The following STAT4 variants were observed in gnomAD, a reference collection of about 807,000 sequenced individuals.
STAT4 encodes the protein signal transducer and activator of transcription 4.
Under a neutral mutation model 110.5 loss-of-function variants are expected in STAT4, and 42 were observed. That is an observed-to-expected ratio of 0.38 (90% CI 0.30 to 0.49). The LOEUF (loss-of-function observed/expected upper bound fraction) is 0.49. Among genes scored for constraint, STAT4 ranks in the 20% least tolerant of loss-of-function variants. The pLI, the probability that STAT4 is intolerant of heterozygous loss-of-function variation, is 0.95. For synonymous variants in STAT4, 284 were observed against 302.2 expected (o/e 0.94, Z 0.63); for missense variants, 632 against 887.9 (o/e 0.71, Z 3.66).
At chr2:191,052,366 T>G (rs2125199658) in intron 14 of STAT4, among the ~76,000 whole-genome samples, 1 of 152,186 alleles carries the variant, frequency 6.6e-6, no homozygotes, top group Admixed American at 6.5e-5. Context: ...AAAGAATAGC[T>G]TAAAATAAAA....
In STAT4 at chr2:191,046,422, T is replaced by C. The variant is rs768703413; in HGVS notation, c.1252-5274A>G. ...TCTGTGAAGGGCCTCGCATGACCAG[T>C]GTGGCCTCTAGGTCTCTCCTGTGCC... On this transcript the variant is annotated intron_variant, in intron 14 of 23. Coordinates refer to ENST00000392320, the MANE Select transcript of STAT4 (RefSeq NM_003151.4). The surrounding 1 kb of genome is among the most constrained non-coding windows in gnomAD (Gnocchi z 4.6). Among the ~76,000 whole-genome samples, 119 of 152,272 alleles carry C rather than the reference T, an allele frequency of 7.8e-4. No individual in the cohort carries two copies. The highest frequency in any genetic ancestry group is 1.4e-3 in the Non-Finnish European group (97 of 68,010).
At chr2:191,136,022 ACC>A (rs780002762) in intron 3 of STAT4, among the ~76,000 whole-genome samples, 3,514 of 44,496 alleles carry the variant, frequency 0.079, 162 homozygotes, top group African/African-American at 0.16. Context: ...AAAAAAAAAA[ACC>A]AAAAAACAAA....
chr2:191,033,286 G>A lies in STAT4; in HGVS notation c.1853-137C>T. On this transcript the variant is annotated intron_variant, in intron 20 of 23. Transcript: ENST00000392320. The surrounding 1 kb of genome is among the most constrained non-coding windows in gnomAD (Gnocchi z 6.9). The stretch of plus-strand genomic sequence containing the variant: ...TCACTTCAATGTCAGACCTTCTGCT[G>A]TCTGGACAGTATAGATTGTGCATAC... The A allele has an allele frequency of 1.7e-6, 2 of 1,145,520 alleles. No individual in the cohort carries two copies. Among genetic ancestry groups the A allele is most frequent in the South Asian group, 1.6e-5 (1 of 62,236 alleles). The allele number at this position is 1,145,520 out of a possible 1,614,324, so 71.0% of individuals were successfully genotyped here.
intron 3 of STAT4, among the ~76,000 whole-genome samples, chr2:191,108,215 C>T (rs1297767481): frequency 6.0e-5 from 9 of 151,052 alleles, no homozygotes; most frequent in South Asian, 2.1e-4. Context: ...CTGTTGAACC[C>T]GGGAGGTAGA....
At position 191,036,263 on chromosome 2, in the gene STAT4, A is replaced by G. The variant is rs373669618; in HGVS notation, c.1471T>C (p.Leu491=). The change falls in exon 17 of 24, where the codon TTG becomes CTG. Residue 491 remains leucine, a synonymous_variant. Transcript: ENST00000392320. ...VFFNNPPPAT[L]SQLLEVMSWQ... ...CTCATCACCTCCAGTAGTTGACTCAATGTGGCAGGTGGAGGATTATTAAAG... is the reference window on the plus strand; with the variant it reads ...CTCATCACCTCCAGTAGTTGACTCAGTGTGGCAGGTGGAGGATTATTAAAG... The G allele has an allele frequency of 7.4e-6, 12 of 1,614,192 alleles. No homozygotes were observed. In the African/African-American group the frequency reaches 1.5e-4, roughly 20 times the overall value.
In STAT4 at chr2:191,069,370, T is replaced by C. The variant is rs3024843; in HGVS notation, c.544+323A>G. 5.6e-3 allele frequency among the ~76,000 whole-genome samples: 850 copies of C among 152,248 alleles called. 9 individuals carry two copies. Among genetic ancestry groups the C allele is most frequent in the African/African-American group, 0.019 (807 of 41,564 alleles). On this transcript the variant is annotated intron_variant, in intron 6 of 23. Transcript: ENST00000392320. Reference sequence around the variant, plus strand: ...TGTTTCTGTGATAATTATATTTTGATTCTATAGGAGAAGGTTTTTATTTTT... The same window carrying C: ...TGTTTCTGTGATAATTATATTTTGACTCTATAGGAGAAGGTTTTTATTTTT...
At chr2:191,151,212 C>T, upstream of STAT4, 1 of 985,702 alleles carries the variant, frequency 1.0e-6, no homozygotes. This position sits in a 1 kb window ranked among gnomAD's most constrained non-coding sequence, Gnocchi z 4.7. Context: ...CCTCTTATCC[C>T]TCCCAGCGGC....
chr2:191,034,605 G>C lies in STAT4; in HGVS notation c.1571-8C>G. On this transcript the variant is annotated splice_region_variant and splice_polypyrimidine_tract_variant and intron_variant, in intron 17 of 23. Transcript: ENST00000392320. ...CACTGTAGCTAGATTGGACTGAAAT[G>C]AAAGAAAAGAATGAAATTTTTCACT... 6.2e-7 allele frequency: 1 copy of C among 1,609,602 alleles called. No homozygotes were observed. Among genetic ancestry groups the C allele is most frequent in the Non-Finnish European group, 8.5e-7 (1 of 1,176,120 alleles).
chr2:191,123,152 C>T (rs1479898651), intron 3 of STAT4, among the ~76,000 whole-genome samples: 1 of 152,200 alleles, frequency 6.6e-6, no homozygotes, highest in Non-Finnish European at 1.5e-5. Context: ...CTCTCCTACG[C>T]AATTTCTAAG....
At chr2:191,057,046 G>C (rs1254115759) in intron 13 of STAT4, among the ~76,000 whole-genome samples, 1 of 152,106 alleles carries the variant, frequency 6.6e-6, no homozygotes, top group Non-Finnish European at 1.5e-5. Flanking sequence ...GCCTCCCAAA[G>C]TGCTGGGATT....
At chr2:191,106,572 C>T (rs937093578) in intron 3 of STAT4, among the ~76,000 whole-genome samples, 3 of 151,618 alleles carry the variant, frequency 2.0e-5, no homozygotes, top group Non-Finnish European at 4.4e-5. Context: ...AGGAGAATCG[C>T]TTGAACCTGG....
In STAT4 at chr2:191,058,143, C is replaced by A; in HGVS notation, c.1113-32G>T. On this transcript the variant is annotated intron_variant, in intron 12 of 23. Transcript: ENST00000392320. The surrounding 1 kb of genome is among the most constrained non-coding windows in gnomAD (Gnocchi z 4.3). ...AGGAAATCTTAGCTATTTACATGGTCTCAGGTAAAATAAATTTACAAGAGC... is the reference window on the plus strand; with the variant it reads ...AGGAAATCTTAGCTATTTACATGGTATCAGGTAAAATAAATTTACAAGAGC... The A allele has an allele frequency of 6.2e-7, 1 of 1,612,594 alleles. No individual in the cohort carries two copies. Among genetic ancestry groups the A allele is most frequent in the South Asian group, 1.1e-5 (1 of 91,038 alleles).
rs771261637 is a variant in STAT4 at position 191,053,536 on chromosome 2, A to G, written c.1251+954T>C. Among the ~76,000 whole-genome samples, 13 of 152,302 alleles carry G rather than the reference A, an allele frequency of 8.5e-5. No individual in the cohort carries two copies. In the East Asian group the frequency reaches 1.9e-3, roughly 23 times the overall value. On this transcript the variant is annotated intron_variant, in intron 14 of 23. Coordinates refer to ENST00000392320, the MANE Select transcript of STAT4 (RefSeq NM_003151.4). This position sits in a 1 kb window ranked among gnomAD's most constrained non-coding sequence, Gnocchi z 4.5. ...TCATGATTTGACTACTCTATCATCA[A>G]CTCAACGGAGTACTCAGACTGCATC...
At chr2:191,034,716 T>A (rs935988282) in intron 17 of STAT4, 119 bp from the exon 18 acceptor site, 5 of 744,182 alleles carry the variant, frequency 6.7e-6, no homozygotes, top group Non-Finnish European at 1.2e-5. Context: ...TGATATGGGT[T>A]TGCAATGTAC....
intron 3 of STAT4, among the ~76,000 whole-genome samples, chr2:191,094,937 A>AAAAT: frequency 6.6e-6 from 1 of 151,176 alleles, no homozygotes; most frequent in Non-Finnish European, 1.5e-5. Context: ...AAAAAAAAAA[A>AAAAT]AGTAGGGGTT....
intron 3 of STAT4, among the ~76,000 whole-genome samples, chr2:191,120,761 T>C (rs918022175): frequency 4.6e-5 from 7 of 152,182 alleles, no homozygotes; most frequent in South Asian, 4.1e-4. Context: ...TTACACCTTA[T>C]ATAAAAATTA....
chr2:191,151,566 C>T (rs899197213), upstream of STAT4: 4 of 985,490 alleles, frequency 4.1e-6, no homozygotes, highest in African/African-American at 7.0e-5. This position sits in a 1 kb window ranked among gnomAD's most constrained non-coding sequence, Gnocchi z 4.7. Context: ...GACCTAGCCT[C>T]CTCCTACTCT....
intron 3 of STAT4, among the ~76,000 whole-genome samples, chr2:191,119,496 G>A (rs1306695977): frequency 6.6e-6 from 1 of 152,156 alleles, no homozygotes; most frequent in East Asian, 1.9e-4. Flanking sequence ...TTACCTAAGA[G>A]CACTGTAAAG....
chr2:191,146,603 G>A lies in STAT4; in HGVS notation c.273+10C>T. On this transcript the variant is annotated intron_variant, in intron 3 of 23. Coordinates refer to ENST00000392320, the MANE Select transcript of STAT4 (RefSeq NM_003151.4). The surrounding 1 kb of genome is among the most constrained non-coding windows in gnomAD (Gnocchi z 4.5). ...TCCAAATATTTTGGAAAAGTAGAAT[G>A]CATTCTTACCTGAAGGACCTTCCTA... is the stretch of plus-strand genomic sequence containing the variant. The A allele has an allele frequency of 6.7e-7, 1 of 1,489,484 alleles. No homozygotes were observed. Among genetic ancestry groups the A allele is most frequent in the Admixed American group, 2.4e-5 (1 of 42,154 alleles). 92.3% of individuals were successfully genotyped at this position (1,489,484 alleles called of 1,614,324 possible).
Sources: gnomAD v4.1 joint callset for allele counts (sites outside exome capture counted in the v4.1 genomes callset) on GRCh38, gnomAD v4.1.1 for gene constraint, Gnocchi (gnomAD v3.1) non-coding constraint, MANE v1.5 for transcripts, NCBI Gene and HGNC (gene_info 2026-07-23, HGNC 2026-07-21) for gene names.